GATAD2A: variants seen among roughly 807,000 people sequenced by gnomAD.
GATAD2A encodes GATA zinc finger domain containing 2A.
Under a neutral mutation model 68.5 loss-of-function variants are expected in GATAD2A, and 12 were observed. The observed-to-expected ratio is 0.18, with a 90% CI of 0.11 to 0.28. The LOEUF (loss-of-function observed/expected upper bound fraction) is 0.28. Among genes scored for constraint, GATAD2A ranks in the 10% least tolerant of loss-of-function variants. The pLI is 1.00. For synonymous variants in GATAD2A, 410 were observed against 375.3 expected, an observed-to-expected ratio of 1.09 and a Z score of -1.07; for missense variants, 755 against 868.5, an observed-to-expected ratio of 0.87 and a Z score of 1.64.
chr19:19,425,064 TAAAA>T (rs529552728), intron 1 of GATAD2A, among the ~76,000 whole-genome samples: 2 of 96,136 alleles, frequency 2.1e-5, no homozygotes, highest in Non-Finnish European at 4.6e-5. Flanking sequence ...TGTGCAACAA[TAAAA>T]AAAAAAAAAA....
At chr19:19,429,483 C>A (rs1236718986) in intron 1 of GATAD2A, among the ~76,000 whole-genome samples, 1 of 152,018 alleles carries the variant, frequency 6.6e-6, no homozygotes, top group African/African-American at 2.4e-5. Context: ...GTGGGCCGGG[C>A]CTTGAAGGCC....
intron 5 of GATAD2A, 98 bp downstream of exon 5, chr19:19,494,481 G>A: frequency 1.4e-6 from 1 of 703,076 alleles, no homozygotes; most frequent in African/African-American, 1.8e-5. Flanking sequence ...CCCAGGTTCT[G>A]CAAGAGGTTG....
At position 19,481,960 on chromosome 19, in the gene GATAD2A, C is replaced by T. The variant is rs147030507; in HGVS notation, c.270-10346C>T. The stretch of plus-strand genomic sequence containing the variant: ...TCTACCAATAAATAACAAATTAATT[C>T]GCTGGGTGTGGTGGCTCGTGCCTGT... On this transcript the variant is annotated intron_variant, in intron 2 of 11. Coordinates refer to ENST00000683918, the MANE Select transcript of GATAD2A (RefSeq NM_001384528.1). Among the ~76,000 whole-genome samples, 324 of 152,128 alleles carry T rather than the reference C, an allele frequency of 2.1e-3. 2 individuals are homozygous for T. Among genetic ancestry groups the T allele is most frequent in the South Asian group, 0.016 (78 of 4,816 alleles).
At chr19:19,449,909 T>C (rs976098883) in intron 1 of GATAD2A, among the ~76,000 whole-genome samples, 3 of 152,202 alleles carry the variant, frequency 2.0e-5, no homozygotes, top group African/African-American at 7.2e-5. Context: ...AAGCCAGAGG[T>C]GCCTTTTCTT....
At chr19:19,452,371 C>T (rs1008903114) in intron 1 of GATAD2A, among the ~76,000 whole-genome samples, 1 of 152,152 alleles carries the variant, frequency 6.6e-6, no homozygotes, top group Admixed American at 6.5e-5. Context: ...GGGAGACTGC[C>T]CATCTTGTGG....
rs933718781 is a variant in GATAD2A, at chr19:19,502,644, A to G, written c.1774+118A>G. On this transcript the variant is annotated intron_variant, in intron 11 of 11. Transcript: ENST00000683918. ...ACCCCCAGGCCCGCTTCCCAAGCTCAGCCTCCTCGGACTCTGGCTTTCCCT... is the reference window on the plus strand; with the variant it reads ...ACCCCCAGGCCCGCTTCCCAAGCTCGGCCTCCTCGGACTCTGGCTTTCCCT... 11 of 761,168 alleles carry G rather than the reference A, an allele frequency of 1.4e-5. No homozygotes were observed. The East Asian group carries it at 1.6e-4, about 11-fold the overall frequency. 47.2% of individuals were successfully genotyped at this position (761,168 alleles called of 1,614,324 possible).
rs1322702138 is a variant in GATAD2A at position 19,505,403 on chromosome 19, G to C, written c.1834G>C (p.Asp612His). Residue 612 changes from aspartate to histidine, a missense_variant, in exon 12 of 12, where the codon GAC (aspartate) becomes CAC (histidine). Physicochemically the swap from Asp to His is moderately conservative, Grantham distance 81. Transcript: ENST00000683918. ...GGTGCACAAGAGCTCCTCGGCCGTG[G>C]ACCGCCAGCGAGAGTACCTCCTGGA... ...LAVHKSSSAVDRQREYLLDMI... is the reference protein window; with the variant it reads ...LAVHKSSSAVHRQREYLLDMI... The C allele has an allele frequency of 1.9e-6, 3 of 1,612,558 alleles. No individual in the cohort carries two copies. The highest frequency in any genetic ancestry group is 2.7e-5 in the African/African-American group (2 of 74,876).
chr19:19,428,758 T>G, intron 1 of GATAD2A, among the ~76,000 whole-genome samples: 1 of 151,566 alleles, frequency 6.6e-6, no homozygotes, highest in Non-Finnish European at 1.5e-5. Context: ...ATACGGGGAG[T>G]GCAGAGTGTG....
intron 2 of GATAD2A, among the ~76,000 whole-genome samples, chr19:19,486,610 C>CCTG: frequency 6.6e-6 from 1 of 152,328 alleles, no homozygotes; most frequent in South Asian, 2.1e-4. Context: ...GGGAATGGGA[C>CCTG]CTGGTGCAGG....
chr19:19,430,695 CAG>C (rs1182766966), intron 1 of GATAD2A, among the ~76,000 whole-genome samples: 1 of 152,154 alleles, frequency 6.6e-6, no homozygotes, highest in Non-Finnish European at 1.5e-5. Context: ...CTGACAGCTG[CAG>C]AGACACCATC....
chr19:19,431,159 G>T (rs2053702652), intron 1 of GATAD2A, among the ~76,000 whole-genome samples: 1 of 151,864 alleles, frequency 6.6e-6, no homozygotes, highest in South Asian at 2.1e-4. Context: ...AACAGTAAAA[G>T]CTCTCTGAAC....
In GATAD2A at chr19:19,506,332, A is replaced by C; in HGVS notation, c.*858A>C. ...GGGAGAAGGAGAGGATCCGGTCGGC[A>C]GCAGCCCTGAGCAGAAAGCTGGAGG... On this transcript the variant is annotated 3_prime_UTR_variant, in exon 12 of 12. Coordinates refer to ENST00000683918, the MANE Select transcript of GATAD2A (RefSeq NM_001384528.1). 2.5e-6 allele frequency: 1 copy of C among 397,566 alleles called. No homozygotes were observed. The highest frequency in any genetic ancestry group is 4.4e-6 in the Non-Finnish European group (1 of 225,638). The allele number at this position is 397,566 out of a possible 1,614,324, so 24.6% of individuals were successfully genotyped here. A position where few individuals can be genotyped will look rare whatever the true frequency, so the allele number is the denominator to read the frequency against.
intron 1 of GATAD2A, among the ~76,000 whole-genome samples, chr19:19,393,127 A>G (rs1387318074): frequency 1.3e-5 from 2 of 152,170 alleles, no homozygotes; most frequent in Non-Finnish European, 2.9e-5. Flanking sequence ...CAAAATGGCA[A>G]AACCCTGTCT....
At position 19,405,731 on chromosome 19, in the gene GATAD2A, T is replaced by C. The variant is rs1333521888; in HGVS notation, c.-295T>C. ...CGTCGCCTTTAAGAGCTCCCCGGTG[T>C]TTTGGGGGCCGCGGGCCGGGCGCGC... On this transcript the variant is annotated 5_prime_UTR_variant, in exon 1 of 12. Transcript: ENST00000683918. The C allele has an allele frequency of 6.6e-6, 1 of 151,176 alleles. No homozygotes were observed. Among genetic ancestry groups the C allele is most frequent in the Non-Finnish European group, 1.5e-5 (1 of 67,726 alleles). The allele number at this position is 151,176 out of a possible 1,614,324, so 9.4% of individuals were successfully genotyped here.
chr19:19,495,634 TAAAAAAAAAAA>T, intron 5 of GATAD2A, 109 bp from the exon 6 acceptor site: 2 of 546,344 alleles, frequency 3.7e-6, no homozygotes, highest in Middle Eastern at 5.6e-4. Flanking sequence ...CTCTGCTACT[TAAAAAAAAAAA>T]AAAAAAAAAA....
chr19:19,438,834 C>T (rs1460754370), intron 1 of GATAD2A, among the ~76,000 whole-genome samples: 2 of 152,236 alleles, frequency 1.3e-5, no homozygotes, highest in South Asian at 2.1e-4. Flanking sequence ...GCGGAAGCCA[C>T]CCCCGAATAA....
At position 19,501,063 on chromosome 19, in the gene GATAD2A, G is replaced by A. The variant is rs368466783; in HGVS notation, c.1205-55G>A. ...AGCATCCTGGGCTGGGGGCGGCCAG[G>A]GCCCTGACTGTCGTCCTGGCCCTCT... On this transcript the variant is annotated intron_variant, in intron 8 of 11. Transcript: ENST00000683918. 7.9e-6 allele frequency: 12 copies of A among 1,517,452 alleles called. No homozygotes were observed. In the African/African-American group the frequency reaches 8.3e-5, roughly 10 times the overall value. The allele number at this position is 1,517,452 out of a possible 1,614,324, so 94.0% of individuals were successfully genotyped here. A position where few individuals can be genotyped will look rare whatever the true frequency, so the allele number is the denominator to read the frequency against.
chr19:19,436,641 T>C (rs900008859), intron 1 of GATAD2A, among the ~76,000 whole-genome samples: 1 of 152,220 alleles, frequency 6.6e-6, no homozygotes, highest in Non-Finnish European at 1.5e-5. Context: ...GCCCTTACCT[T>C]GCCTCGTGCC....
chr19:19,505,705 T>C lies in GATAD2A; in HGVS notation c.*231T>C. ...AGACGAGGATCATCGCTGGGGGACCTTTCCCGTGGGCTTTCTTCCTTTCTC... is the reference window on the plus strand; with the variant it reads ...AGACGAGGATCATCGCTGGGGGACCCTTCCCGTGGGCTTTCTTCCTTTCTC... On this transcript the variant is annotated 3_prime_UTR_variant, in exon 12 of 12. Transcript: ENST00000683918. 1 of 476,304 alleles carries C rather than the reference T, an allele frequency of 2.1e-6. No homozygotes were observed. The highest frequency in any genetic ancestry group is 3.9e-5 in the South Asian group (1 of 25,828). 29.5% of individuals were successfully genotyped at this position (476,304 alleles called of 1,614,324 possible).
Sources: gnomAD v4.1 joint callset for allele counts (sites outside exome capture counted in the v4.1 genomes callset) on GRCh38, gnomAD v4.1.1 for gene constraint, MANE v1.5 for transcripts, NCBI Gene and HGNC (gene_info 2026-07-23, HGNC 2026-07-21) for gene names.